POLR1D: variants seen among roughly 807,000 people sequenced by gnomAD.
The protein encoded by POLR1D is RNA polymerase I and III subunit D.
A neutral mutation model predicts 10.8 loss-of-function variants in POLR1D; 8 were observed. The ratio of observed to expected loss-of-function variants is 0.74; its 90% CI spans 0.43 to 1.33. The LOEUF (loss-of-function observed/expected upper bound fraction) is 1.33. Among genes scored for constraint, POLR1D ranks in the 40% most tolerant of loss-of-function variants. The pLI, the probability that POLR1D is intolerant of heterozygous loss-of-function variation, is 0.01. For synonymous variants in POLR1D, 54 were observed against 57.2 expected (o/e 0.94, Z 0.25); for missense variants, 152 against 161.7 (o/e 0.94, Z 0.32).
chr13:27,660,286 A>G (rs553762991), intron 2 of POLR1D, among the ~76,000 whole-genome samples: 3 of 152,298 alleles, frequency 2.0e-5, no homozygotes, highest in African/African-American at 7.2e-5. Context: ...CCTCTGCTTC[A>G]GTCTTTCTAG....
chr13:27,642,034 C>T (rs1048290654), intron 1 of POLR1D, among the ~76,000 whole-genome samples: 5 of 152,072 alleles, frequency 3.3e-5, no homozygotes, highest in Non-Finnish European at 1.5e-5. Flanking sequence ...GTAGTGGCAC[C>T]CTCCACTCCA....
chr13:27,652,315 CA>C (rs537495867), intron 2 of POLR1D, among the ~76,000 whole-genome samples: 56 of 152,328 alleles, frequency 3.7e-4, no homozygotes, highest in Middle Eastern at 6.8e-3. Context: ...ACTAGTGTAT[CA>C]GTGCTAGTTC....
intron 2 of POLR1D, among the ~76,000 whole-genome samples, chr13:27,661,595 A>G (rs1956364591): frequency 6.6e-6 from 1 of 152,158 alleles, no homozygotes; most frequent in African/African-American, 2.4e-5. Flanking sequence ...CAGGGCTCAG[A>G]TGGTTACCCT....
chr13:27,627,562 A>C (rs984471442), downstream of POLR1D, among the ~76,000 whole-genome samples: 1 of 152,134 alleles, frequency 6.6e-6, no homozygotes, highest in Non-Finnish European at 1.5e-5. Context: ...GGTGAAAGGC[A>C]CTGCTGAAAC....
At chr13:27,666,777 T>C (rs1236298263) in exon 3 of POLR1D, 1 of 152,132 alleles carries the variant, frequency 6.6e-6, no homozygotes, top group Non-Finnish European at 1.5e-5. Context: ...ATGCCTTTTT[T>C]CCCCCAGTAT....
At chr13:27,661,759 G>C (rs571786) in intron 2 of POLR1D, among the ~76,000 whole-genome samples, 3 of 152,054 alleles carry the variant, frequency 2.0e-5, no homozygotes, top group Admixed American at 2.0e-4. Context: ...TTTCTAAAGA[G>C]TTAATGTACA....
At chr13:27,641,163 A>G (rs891123126) in intron 1 of POLR1D, among the ~76,000 whole-genome samples, 2 of 152,232 alleles carry the variant, frequency 1.3e-5, no homozygotes, top group South Asian at 2.1e-4. Context: ...TGCATTTTCA[A>G]TACAAATGCC....
In POLR1D at chr13:27,622,924, G is replaced by C. The variant is rs1308191452; in HGVS notation, c.76G>C (p.Ala26Pro). ...TSMAEGERKTALEMVQAAGTD... is the reference protein window; with the variant it reads ...TSMAEGERKTPLEMVQAAGTD... ...AATGGCTGAAGGCGAGAGGAAGACA[G>C]CCCTGGAAATGGTCCAGGCAGCTGG... is the stretch of plus-strand genomic sequence containing the variant. Residue 26 changes from alanine to proline, a missense_variant, in exon 2 of 2, where the codon GCC (alanine) becomes CCC (proline). Physicochemically the swap from Ala to Pro is conservative, Grantham distance 27. Transcript: ENST00000302979. 6.2e-7 allele frequency: 1 copy of C among 1,610,832 alleles called. No individual in the cohort carries two copies. The highest frequency in any genetic ancestry group is 8.5e-7 in the Non-Finnish European group (1 of 1,176,984).
intron 2 of POLR1D, among the ~76,000 whole-genome samples, chr13:27,658,089 T>G (rs1956325846): frequency 6.6e-6 from 1 of 152,240 alleles, no homozygotes; most frequent in Admixed American, 6.5e-5. Flanking sequence ...CTCAAATTTA[T>G]CTGCACATTT....
intron 2 of POLR1D, among the ~76,000 whole-genome samples, chr13:27,661,092 T>C (rs1956359889): frequency 6.6e-6 from 1 of 152,226 alleles, no homozygotes; most frequent in South Asian, 2.1e-4. Flanking sequence ...CTTATAATTC[T>C]AGCCCCAGTG....
At chr13:27,622,054 G>A (rs2138515436) in intron 1 of POLR1D, 45 bp downstream of exon 1, 1 of 1,547,496 alleles carries the variant, frequency 6.5e-7, no homozygotes, top group Non-Finnish European at 8.8e-7. Flanking sequence ...GCGCCCAAGG[G>A]GAGCGGGTGG....
chr13:27,641,789 T>C (rs1451487514), intron 1 of POLR1D, among the ~76,000 whole-genome samples: 1 of 152,138 alleles, frequency 6.6e-6, no homozygotes, highest in African/African-American at 2.4e-5. Flanking sequence ...GCTGAGTGTC[T>C]GGTGTAAAGG....
chr13:27,628,846 C>T (rs146877901), intron 1 of POLR1D, among the ~76,000 whole-genome samples: 13 of 152,270 alleles, frequency 8.5e-5, no homozygotes, highest in African/African-American at 2.6e-4. Context: ...TTGAGACAGT[C>T]GCACTGTTAC....
exon 3 of POLR1D, chr13:27,665,743 C>T (rs1956409755): frequency 6.2e-7 from 1 of 1,612,946 alleles, no homozygotes; most frequent in African/African-American, 1.3e-5. Flanking sequence ...CAATTAAAAA[C>T]ACATTGCCCT....
chr13:27,641,837 T>G (rs1385118574), intron 1 of POLR1D, among the ~76,000 whole-genome samples: 2 of 152,140 alleles, frequency 1.3e-5, no homozygotes, highest in Non-Finnish European at 1.5e-5. Flanking sequence ...GGGCATAACC[T>G]GGGCAAAGCT....
At chr13:27,662,768 G>A (rs1956376815) in intron 2 of POLR1D, among the ~76,000 whole-genome samples, 1 of 152,220 alleles carries the variant, frequency 6.6e-6, no homozygotes, top group South Asian at 2.1e-4. Context: ...ATAGTAGGCT[G>A]TGAACCAAAA....
At chr13:27,626,853 T>C (rs1160493580), downstream of POLR1D, among the ~76,000 whole-genome samples, 2 of 152,226 alleles carry the variant, frequency 1.3e-5, no homozygotes, top group African/African-American at 4.8e-5. Context: ...AACATCTAAG[T>C]ACTCTAATTA....
At chr13:27,665,961 A>G (rs1448511330) in exon 3 of POLR1D, 1 of 1,613,542 alleles carries the variant, frequency 6.2e-7, no homozygotes, top group Admixed American at 1.7e-5. Flanking sequence ...TGAGGCTGGA[A>G]CCAGGGCCAG....
Position 27,623,345 on chromosome 13 carries a change from T to C in POLR1D, c.*95T>C. 3 of 1,577,218 alleles carry C rather than the reference T, an allele frequency of 1.9e-6. No individual in the cohort carries two copies. The highest frequency in any genetic ancestry group is 1.7e-6 in the Non-Finnish European group (2 of 1,162,402). On this transcript the variant is annotated 3_prime_UTR_variant, in exon 2 of 2. Coordinates refer to ENST00000302979, the MANE Select transcript of POLR1D (RefSeq NM_015972.4). ...TTAGAAGTTTGTGGTTACAGCATAC[T>C]CTGTCCTTCAGAAAGGCGTGATTCT...
Sources: allele counts gnomAD v4.1 joint callset (sites outside exome capture counted in the v4.1 genomes callset), GRCh38; gene constraint gnomAD v4.1.1; transcripts MANE v1.5; gene names NCBI Gene and HGNC (gene_info 2026-07-23, HGNC 2026-07-21).